DCAF13: variants seen among roughly 807,000 people sequenced by gnomAD.
DCAF13 encodes the protein DDB1 and CUL4 associated factor 13.
In DCAF13, 38 loss-of-function variants were observed where a neutral mutation model predicts 59.0. That is an observed-to-expected ratio of 0.64 (90% CI 0.50 to 0.84). DCAF13 has a LOEUF of 0.84. DCAF13 is among the 40% of genes least tolerant of loss of function. The pLI, the probability that DCAF13 is intolerant of heterozygous loss-of-function variation, is 0.00. For synonymous variants in DCAF13, 173 were observed against 175.0 expected, an observed-to-expected ratio of 0.99 and a Z score of 0.09; for missense variants, 469 against 558.4, an observed-to-expected ratio of 0.84 and a Z score of 1.61.
intron 6 of DCAF13, 146 bp downstream of exon 6, chr8:103,430,835 G>A (rs573104703): frequency 1.4e-5 from 7 of 508,702 alleles, no homozygotes; most frequent in African/African-American, 9.9e-5. Flanking sequence ...CATGATGATA[G>A]TCATGTTCTT....
chr8:103,442,823 C>T lies in DCAF13; in HGVS notation c.1279C>T (p.Pro427Ser). 6.2e-7 allele frequency: 1 copy of T among 1,606,256 alleles called. No homozygotes were observed. Among genetic ancestry groups the T allele is most frequent in the African/African-American group, 1.3e-5 (1 of 74,754 alleles). ...KEVNRIKHSK[P>S]GSVPLVSEKK... The stretch of plus-strand genomic sequence containing the variant: ...AGTGAATCGTATTAAACACAGCAAG[C>T]CTGGATCTGTGCCACTTGTGTCAGA... The change falls in exon 11 of 11, where the codon CCT becomes TCT. Residue 427 changes from proline to serine, a missense_variant. By Grantham distance (74) the Pro-to-Ser change is moderately conservative. Transcript: ENST00000612750.
At chr8:103,428,538 C>T (rs1816822808) in intron 5 of DCAF13, 1 of 152,128 alleles carries the variant, frequency 6.6e-6, no homozygotes, top group African/African-American at 2.4e-5. Context: ...ATATCTTTCT[C>T]ACTCCATCCT....
chr8:103,441,372 G>A, intron 9 of DCAF13, 83 bp from the exon 10 acceptor site: 1 of 1,324,766 alleles, frequency 7.5e-7, no homozygotes, highest in Non-Finnish European at 1.0e-6. Context: ...ATTAGGTTAG[G>A]GGGAAAAGGG....
intron 6 of DCAF13, among the ~76,000 whole-genome samples, chr8:103,432,359 CT>C (rs1816877561): frequency 6.6e-6 from 1 of 152,242 alleles, no homozygotes; most frequent in African/African-American, 2.4e-5. Context: ...AATTTTGCCC[CT>C]AATTTGATAC....
intron 3 of DCAF13, among the ~76,000 whole-genome samples, chr8:103,424,049 C>T (rs1563503049): frequency 6.6e-6 from 1 of 151,274 alleles, no homozygotes; most frequent in East Asian, 1.9e-4. Flanking sequence ...GATGAAGTCT[C>T]CCTCTGTCGC....
intron 1 of DCAF13, among the ~76,000 whole-genome samples, chr8:103,415,785 C>G (rs1266862023): frequency 6.6e-6 from 1 of 152,188 alleles, no homozygotes; most frequent in Non-Finnish European, 1.5e-5. Context: ...AGCTGCTGCT[C>G]TGGGATTGTC....
intron 2 of DCAF13, chr8:103,420,739 A>G (rs974225353): frequency 1.7e-6 from 1 of 581,812 alleles, no homozygotes; most frequent in African/African-American, 1.9e-5. Context: ...TCAACACCTA[A>G]TTTCCTACTA....
At chr8:103,423,029 G>A (rs1816742645) in intron 3 of DCAF13, among the ~76,000 whole-genome samples, 1 of 152,112 alleles carries the variant, frequency 6.6e-6, no homozygotes, top group Admixed American at 6.5e-5. Flanking sequence ...CTGTCAAAAA[G>A]CAGAATAGGC....
chr8:103,417,761 CTACTA>C (rs1310924314), intron 1 of DCAF13, among the ~76,000 whole-genome samples: 4 of 151,790 alleles, frequency 2.6e-5, no homozygotes, highest in African/African-American at 7.3e-5. Context: ...AGTTTGAAGA[CTACTA>C]TATAGGGAGC....
At chr8:103,441,913 G>C (rs3134272) in intron 10 of DCAF13, 123,417 of 258,834 alleles carry the variant, frequency 0.48, 30,443 homozygotes, top group African/African-American at 0.65. Context: ...CTACAGGCAC[G>C]CGCCACCATG....
At chr8:103,430,414 A>C in intron 5 of DCAF13, 198 bp from the exon 6 acceptor site, 1 of 383,400 alleles carries the variant, frequency 2.6e-6, no homozygotes, top group Non-Finnish European at 4.7e-6. Context: ...TAAATAAATA[A>C]AATACAAGCA....
chr8:103,420,158 A>G, intron 1 of DCAF13, 106 bp from the exon 2 acceptor site: 1 of 1,007,544 alleles, frequency 9.9e-7, no homozygotes. Context: ...TTAGGCATAG[A>G]ACAATGTCAC....
In DCAF13 at chr8:103,435,787, G is replaced by A; in HGVS notation, c.947G>A (p.Ser316Asn). 2 of 1,613,290 alleles carry A rather than the reference G, an allele frequency of 1.2e-6. No homozygotes were observed. Among genetic ancestry groups the A allele is most frequent in the Non-Finnish European group, 1.7e-6 (2 of 1,179,616 alleles). Residue 316 changes from serine (S) to asparagine (N), a missense_variant, in exon 8 of 11, where the codon AGC becomes AAC. This residue lies in a region of DCAF13 where 355 missense variants were observed against 399.1 expected (regional missense o/e 0.89). Coordinates refer to ENST00000612750, the MANE Select transcript of DCAF13 (RefSeq NM_015420.7). ...IRIFPVDKSR[S>N]REVYHTKRMQ... is the part of the protein sequence containing the mutation. ...ATCTTTCCTGTAGACAAAAGTCGAA[G>A]CAGGTATGTGCCTACCAGTAAGCCA... is the stretch of plus-strand genomic sequence containing the variant.
intron 1 of DCAF13, among the ~76,000 whole-genome samples, chr8:103,419,072 G>A (rs1292904551): frequency 1.3e-5 from 2 of 150,940 alleles, no homozygotes; most frequent in African/African-American, 2.4e-5. Context: ...ATTTTTAGTA[G>A]ATGGGATTTC....
At chr8:103,442,747 A>C (rs1368194352) in intron 10 of DCAF13, 48 bp from the exon 11 acceptor site, 9 of 1,268,122 alleles carry the variant, frequency 7.1e-6, no homozygotes, top group Non-Finnish European at 9.6e-6. Flanking sequence ...AGTTTTCTTT[A>C]AGATGAGTTC....
intron 1 of DCAF13, among the ~76,000 whole-genome samples, chr8:103,415,836 A>C (rs1311252763): frequency 6.6e-6 from 1 of 152,220 alleles, no homozygotes; most frequent in Non-Finnish European, 1.5e-5. Flanking sequence ...GAATGAGCCA[A>C]ACTCGTGGGT....
intron 7 of DCAF13, among the ~76,000 whole-genome samples, chr8:103,433,491 G>GT (rs924860689): frequency 4.7e-4 from 71 of 151,448 alleles, no homozygotes; most frequent in African/African-American, 1.5e-3. Context: ...CTTAATACAT[G>GT]TTTTTTTTAA....
At chr8:103,427,430 C>T in intron 5 of DCAF13, 178 bp downstream of exon 5, 1 of 622,114 alleles carries the variant, frequency 1.6e-6, no homozygotes, top group South Asian at 2.1e-5. Context: ...ACATGTTTCC[C>T]AGCAGTTTAG....
intron 7 of DCAF13, among the ~76,000 whole-genome samples, chr8:103,433,398 A>G (rs376828600): frequency 2.2e-4 from 34 of 152,114 alleles, no homozygotes; most frequent in African/African-American, 7.7e-4. Context: ...TAAAGCGGGG[A>G]GATTAGTCTC....
Sources: allele counts gnomAD v4.1 joint callset (sites outside exome capture counted in the v4.1 genomes callset), GRCh38; gene constraint gnomAD v4.1.1; regional missense constraint gnomAD v4.1.1; transcripts MANE v1.5; gene names NCBI Gene and HGNC (gene_info 2026-07-23, HGNC 2026-07-21).